BRCA1: variants seen among roughly 807,000 people sequenced by gnomAD.
BRCA1 encodes the protein breast cancer type 1 susceptibility protein.
In BRCA1, 140 loss-of-function variants were observed where a neutral mutation model predicts 173.7. That is an observed-to-expected ratio of 0.81 (90% CI 0.70 to 0.93). The LOEUF (loss-of-function observed/expected upper bound fraction) is 0.93, where lower values mean the gene tolerates loss of function less well. Among genes scored for constraint, BRCA1 ranks in the 40% least tolerant of loss-of-function variants. The pLI, the probability that BRCA1 is intolerant of heterozygous loss-of-function variation, is 0.00. For synonymous variants in BRCA1, 662 were observed against 756.0 expected (o/e 0.88, Z 2.04); for missense variants, 1,983 against 2,172.5 (o/e 0.91, Z 1.73).
intron 4 of BRCA1, among the ~76,000 whole-genome samples, chr17:43,105,984 G>T (rs536727581): frequency 3.3e-5 from 5 of 151,816 alleles, no homozygotes; most frequent in African/African-American, 1.2e-4. Flanking sequence ...AAAATTGGCC[G>T]GGCATGGTAG....
chr17:43,090,584 A>G (rs1433176747), intron 11 of BRCA1, among the ~76,000 whole-genome samples: 1 of 152,218 alleles, frequency 6.6e-6, no homozygotes, highest in Non-Finnish European at 1.5e-5. Flanking sequence ...CATGTTGGCC[A>G]GGCTGGTCTC....
chr17:43,100,671 TATATATAATATA>T (rs1315422619), intron 6 of BRCA1, among the ~76,000 whole-genome samples: 4 of 25,978 alleles, frequency 1.5e-4, no homozygotes, highest in African/African-American at 3.5e-4. Context: ...TATATATATA[TATATATAATATA>T]TATATATATA....
chr17:43,157,068 C>T (rs2056201713), intron 1 of BRCA1, among the ~76,000 whole-genome samples: 2 of 152,148 alleles, frequency 1.3e-5, no homozygotes, highest in African/African-American at 4.8e-5. Context: ...TGAAAAACAA[C>T]AACCCACCGG....
chr17:43,158,842 T>C (rs1481257053), intron 1 of BRCA1, among the ~76,000 whole-genome samples: 1 of 152,118 alleles, frequency 6.6e-6, no homozygotes, highest in Non-Finnish European at 1.5e-5. Flanking sequence ...TAATAAGTGT[T>C]ATGGAGAAGC....
At chr17:43,060,440 G>A (rs918681720) in intron 18 of BRCA1, among the ~76,000 whole-genome samples, 2 of 151,730 alleles carry the variant, frequency 1.3e-5, no homozygotes, top group African/African-American at 4.8e-5. Context: ...TGCCTGCCTC[G>A]GCCTCCTAGA....
intron 18 of BRCA1, among the ~76,000 whole-genome samples, chr17:43,057,664 T>A (rs181436152): frequency 6.7e-6 from 1 of 149,298 alleles, no homozygotes; most frequent in East Asian, 2.0e-4. Context: ...TGAAACCCCG[T>A]CTCTACTTAA....
In BRCA1 at chr17:43,055,689, G is replaced by A. The variant is rs1220505163; in HGVS notation, c.5277+1363C>T. On this transcript the variant is annotated intron_variant, in intron 19 of 22. Transcript: ENST00000357654. ...TAATCCCAGCTATTTGGGAGGCTAA[G>A]GCACGAGAATCACTTGAACCTGGGA... Among the ~76,000 whole-genome samples the A allele has an allele frequency of 2.0e-5, 3 of 152,238 alleles. No individual in the cohort carries two copies. The East Asian group carries it at 5.8e-4, about 29-fold the overall frequency.
At chr17:43,095,300 G>A (rs2054085815) in intron 9 of BRCA1, among the ~76,000 whole-genome samples, 1 of 152,184 alleles carries the variant, frequency 6.6e-6, no homozygotes, top group African/African-American at 2.4e-5. Flanking sequence ...GTAAAGGGCA[G>A]GCCAGGCACA....
At chr17:43,144,263 G>A (rs965781050) in intron 1 of BRCA1, 1 of 310,896 alleles carries the variant, frequency 3.2e-6, no homozygotes, top group South Asian at 2.5e-5. Flanking sequence ...TCTTGTAAGG[G>A]CGAAAAGCCC....
intron 1 of BRCA1, among the ~76,000 whole-genome samples, chr17:43,141,692 G>A (rs973687392): frequency 1.3e-5 from 2 of 149,106 alleles, no homozygotes; most frequent in Admixed American, 6.7e-5. Flanking sequence ...GGCACCTGTA[G>A]TCCCAGCTAC....
chr17:43,063,602 C>T (rs2051889610), intron 17 of BRCA1, among the ~76,000 whole-genome samples: 1 of 152,166 alleles, frequency 6.6e-6, no homozygotes, highest in East Asian at 1.9e-4. Context: ...ACATGGATTC[C>T]TGCCGACTAT....
At chr17:43,143,202 A>G (rs1369970374) in intron 1 of BRCA1, among the ~76,000 whole-genome samples, 1 of 151,454 alleles carries the variant, frequency 6.6e-6, no homozygotes, top group East Asian at 1.9e-4. Flanking sequence ...TGGCCTCCCA[A>G]AATGTTGGGA....
chr17:43,142,661 A>C (rs2056083525), intron 1 of BRCA1: 1 of 152,218 alleles, frequency 6.6e-6, no homozygotes, highest in Admixed American at 6.5e-5. Flanking sequence ...TAAAATGCCT[A>C]ACCCAGGATT....
chr17:43,113,482 G>A (rs1028493512), intron 3 of BRCA1, among the ~76,000 whole-genome samples: 8 of 151,720 alleles, frequency 5.3e-5, no homozygotes, highest in Non-Finnish European at 1.2e-4. Context: ...TACCCCTGCC[G>A]CAGCCTACCA....
intron 4 of BRCA1, among the ~76,000 whole-genome samples, chr17:43,106,175 C>A (rs1249008085): frequency 6.7e-6 from 1 of 148,342 alleles, no homozygotes; most frequent in Non-Finnish European, 1.5e-5. Flanking sequence ...ACAAGATTAA[C>A]AGACAATGGG....
chr17:43,133,983 C>A (rs1292986722), intron 1 of BRCA1, among the ~76,000 whole-genome samples: 2 of 152,200 alleles, frequency 1.3e-5, no homozygotes. Context: ...GTACCCTCCC[C>A]TGAGCTCAGC....
At position 43,094,024 on chromosome 17, in the gene BRCA1, T is replaced by G; in HGVS notation, c.1507A>C (p.Lys503Gln). The change falls in exon 10 of 23, where the codon AAG (lysine) becomes CAG (glutamine). Residue 503 changes from lysine (K) to glutamine (Q), a missense_variant. Coordinates refer to ENST00000357654, the MANE Select transcript of BRCA1 (RefSeq NM_007294.4). ...IQERPLTNKL[K>Q]RKRRPTSGLH... ...CCTGATGTAGGTCTCCTTTTACGCT[T>G]TAATTTATTTGTGAGGGGACGCTCT... The G allele has an allele frequency of 6.2e-7, 1 of 1,613,996 alleles. No individual in the cohort carries two copies. Among genetic ancestry groups the G allele is most frequent in the Non-Finnish European group, 8.5e-7 (1 of 1,179,956 alleles).
rs570362821 is a variant in BRCA1, at chr17:43,153,892, A to C, written c.-20+16234T>G. Among the ~76,000 whole-genome samples the C allele has an allele frequency of 2.6e-5, 4 of 152,328 alleles. No homozygotes were observed. In the South Asian group the frequency reaches 8.3e-4, roughly 32 times the overall value. On this transcript the variant is annotated intron_variant, in intron 1 of 7. Coordinates refer to the BRCA1 transcript ENST00000634433. ...GTACTCACTAAAGGAAATTTAGAAAATAATAAGCTTAAGGCTGGGCGTGGT... is the reference window on the plus strand; with the variant it reads ...GTACTCACTAAAGGAAATTTAGAAACTAATAAGCTTAAGGCTGGGCGTGGT...
In BRCA1 at chr17:43,094,280, A is replaced by G. The variant is rs80357197; in HGVS notation, c.1251T>C (p.Asn417=). The change falls in exon 10 of 23, where the codon AAT becomes AAC. Residue 417 remains asparagine (N), a synonymous_variant. Coordinates refer to ENST00000357654, the MANE Select transcript of BRCA1 (RefSeq NM_007294.4). ...AAGAACCAGAATATTCATCTACCTCATTTAGAACGTCCAATACATCAGCTA... is the reference window on the plus strand; with the variant it reads ...AAGAACCAGAATATTCATCTACCTCGTTTAGAACGTCCAATACATCAGCTA... The part of the protein sequence containing the change: ...AKVADVLDVL[N]EVDEYSGSSE... 3 of 1,614,158 alleles carry G rather than the reference A, an allele frequency of 1.9e-6. No homozygotes were observed. In the East Asian group the frequency reaches 6.7e-5, roughly 36 times the overall value.
Sources: allele counts gnomAD v4.1 joint callset (sites outside exome capture counted in the v4.1 genomes callset), GRCh38; gene constraint gnomAD v4.1.1; transcripts MANE v1.5; gene names NCBI Gene and HGNC (gene_info 2026-07-23, HGNC 2026-07-21).